Variants in SNX31 observed in about 807,000 individuals in gnomAD.
SNX31 encodes sorting nexin-31.
SNX31 carries 58 observed loss-of-function variants against 65.4 expected under a neutral mutation model. That is an observed-to-expected ratio of 0.89 (90% CI 0.72 to 1.10). The LOEUF (loss-of-function observed/expected upper bound fraction) is 1.10. SNX31 is among the 50% of genes least tolerant of loss of function. The probability of loss-of-function intolerance (pLI) is 0.00; values close to 1 mark genes in which losing one functional copy is unlikely to be tolerated. For missense variants in SNX31, 523 were observed against 529.7 expected (o/e 0.99, Z 0.12); for synonymous variants, 181 against 190.1 (o/e 0.95, Z 0.39).
intron 10 of SNX31, among the ~76,000 whole-genome samples, chr8:100,595,193 A>AT (rs1181597902): frequency 2.6e-5 from 4 of 152,040 alleles, no homozygotes; most frequent in East Asian, 1.9e-4. Context: ...CATACAATAT[A>AT]TTTTTTCTGA....
chr8:100,611,232 T>C (rs945087422), intron 7 of SNX31, among the ~76,000 whole-genome samples: 5 of 152,028 alleles, frequency 3.3e-5, no homozygotes, highest in Non-Finnish European at 5.9e-5. Flanking sequence ...ACCACACTTC[T>C]ACGGATAAAT....
chr8:100,645,222 C>T (rs1819540766), intron 2 of SNX31, among the ~76,000 whole-genome samples: 1 of 152,212 alleles, frequency 6.6e-6, no homozygotes, highest in South Asian at 2.1e-4. Context: ...ACTATTCTAT[C>T]AGGATGCAGA....
At chr8:100,641,593 TATACACATAC>T (rs1477365043) in intron 2 of SNX31, among the ~76,000 whole-genome samples, 11 of 22,132 alleles carry the variant, frequency 5.0e-4, no homozygotes, top group African/African-American at 3.6e-3. Context: ...TATATATATA[TATACACATAC>T]ACACACACAC....
upstream of SNX31, among the ~76,000 whole-genome samples, chr8:100,649,920 T>C (rs1010316662): frequency 6.6e-6 from 1 of 152,270 alleles, no homozygotes; most frequent in African/African-American, 2.4e-5. Context: ...ATCTAGTAAC[T>C]GCCTTATGAT....
At chr8:100,634,185 C>T (rs1404701661) in intron 3 of SNX31, among the ~76,000 whole-genome samples, 1 of 152,172 alleles carries the variant, frequency 6.6e-6, no homozygotes, top group Non-Finnish European at 1.5e-5. Context: ...TTGCTGTACA[C>T]AGCATTTCTA....
chr8:100,632,768 ACT>A (rs1818495845), intron 3 of SNX31, among the ~76,000 whole-genome samples: 1 of 146,724 alleles, frequency 6.8e-6, no homozygotes, highest in African/African-American at 2.7e-5. Flanking sequence ...CAAGACACTG[ACT>A]CTAAAAAAAA....
chr8:100,645,048 C>T (rs1819532016), intron 2 of SNX31, among the ~76,000 whole-genome samples: 1 of 152,246 alleles, frequency 6.6e-6, no homozygotes, highest in Non-Finnish European at 1.5e-5. Flanking sequence ...CCAGGTACTG[C>T]CCCTCAATCT....
Position 100,635,948 on chromosome 8 carries a change from T to G in SNX31, c.205A>C (p.Thr69Pro), listed in dbSNP as rs976206436. 15 of 1,614,170 alleles carry G rather than the reference T, an allele frequency of 9.3e-6. No homozygotes were observed. The highest frequency in any genetic ancestry group is 8.9e-5 in the East Asian group (4 of 44,884). ...FPPKYYLAMT[T>P]AMADERRDQL... ...TCCCTCCTCTCATCAGCCATAGCTG[T>G]GGTCATTGCCAGATAGTACTTTGGT... Residue 69 changes from threonine (T) to proline (P), a missense_variant, in exon 3 of 14, where the codon ACA becomes CCA. Physicochemically the swap from Thr to Pro is conservative, Grantham distance 38. Coordinates refer to ENST00000311812, the MANE Select transcript of SNX31 (RefSeq NM_152628.4).
intron 1 of SNX31, among the ~76,000 whole-genome samples, chr8:100,656,452 C>A (rs1345530986): frequency 6.6e-6 from 1 of 151,930 alleles, no homozygotes; most frequent in African/African-American, 2.4e-5. Context: ...CCAGCCTAGT[C>A]CAACATGGTG....
rs1818342173 is a variant in SNX31, at chr8:100,630,496, T to A, written c.257-105A>T. 1 of 896,076 alleles carries A rather than the reference T, an allele frequency of 1.1e-6. No individual in the cohort carries two copies. The highest frequency in any genetic ancestry group is 3.0e-5 in the Admixed American group (1 of 33,892). The allele number at this position is 896,076 out of a possible 1,614,324, so 55.5% of individuals were successfully genotyped here. A position where few individuals can be genotyped will look rare whatever the true frequency, so the allele number is the denominator to read the frequency against. On this transcript the variant is annotated intron_variant, in intron 3 of 13. Coordinates refer to ENST00000311812, the MANE Select transcript of SNX31 (RefSeq NM_152628.4). The surrounding 1 kb of genome is among the most constrained non-coding windows in gnomAD (Gnocchi z 5.3). ...CCCTCCATGCCTTGCCAGTGCTCTG[T>A]CTCCTCCCTGAAGTGATAAATGTTG...
upstream of SNX31, among the ~76,000 whole-genome samples, chr8:100,650,772 G>A (rs1233359688): frequency 6.6e-6 from 1 of 152,054 alleles, no homozygotes; most frequent in Non-Finnish European, 1.5e-5. Flanking sequence ...TAAGAGAATG[G>A]CAACAGGAAT....
intron 10 of SNX31, among the ~76,000 whole-genome samples, chr8:100,595,184 A>G (rs1013448806): frequency 1.1e-4 from 16 of 152,362 alleles, no homozygotes; most frequent in Middle Eastern, 3.4e-3. Flanking sequence ...GGCTAAGATC[A>G]TACAATATAT....
Position 100,614,596 on chromosome 8 carries a change from C to T in SNX31, c.433-1511G>A, listed in dbSNP as rs1172248130. On this transcript the variant is annotated intron_variant, in intron 5 of 13. Transcript: ENST00000311812. The surrounding 1 kb of genome is among the most constrained non-coding windows in gnomAD (Gnocchi z 5.1). ...TGGCCCTTAAAGAGGCCATTGAGGC[C>T]CGGCACGGTGGCTCATGCCTGTAAT... Among the ~76,000 whole-genome samples, 1 of 152,094 alleles carries T rather than the reference C, an allele frequency of 6.6e-6. No homozygotes were observed. The highest frequency in any genetic ancestry group is 1.5e-5 in the Non-Finnish European group (1 of 68,022).
At chr8:100,593,026 C>CT (rs1380135859) in intron 10 of SNX31, among the ~76,000 whole-genome samples, 1 of 152,052 alleles carries the variant, frequency 6.6e-6, no homozygotes, top group Non-Finnish European at 1.5e-5. Flanking sequence ...TTTTTTAGGG[C>CT]TGGGGGGATA....
chr8:100,647,579 A>G (rs1292173398), intron 2 of SNX31, among the ~76,000 whole-genome samples: 1 of 152,246 alleles, frequency 6.6e-6, no homozygotes, highest in Non-Finnish European at 1.5e-5. Context: ...ATTATGTACC[A>G]GGCTCTGCAA....
intron 2 of SNX31, among the ~76,000 whole-genome samples, chr8:100,637,913 C>T (rs762796058): frequency 6.6e-6 from 1 of 152,188 alleles, no homozygotes; most frequent in Non-Finnish European, 1.5e-5. Context: ...CCAGGCTGGT[C>T]TCAAACTCCT....
At chr8:100,585,960 G>A (rs764812325) in intron 11 of SNX31, among the ~76,000 whole-genome samples, 7 of 152,010 alleles carry the variant, frequency 4.6e-5, no homozygotes, top group Non-Finnish European at 5.9e-5. Context: ...TTGCTCTGTC[G>A]CCCAGGCTGG....
Position 100,614,528 on chromosome 8 carries a change from G to A in SNX31, c.433-1443C>T, listed in dbSNP as rs910817411. The stretch of plus-strand genomic sequence containing the variant: ...GTTAATGATGATTCAAAACACGAAC[G>A]CCATCACTAGCACCACAGTAGTCCT... On this transcript the variant is annotated intron_variant, in intron 5 of 13. Coordinates refer to ENST00000311812, the MANE Select transcript of SNX31 (RefSeq NM_152628.4). The surrounding 1 kb of genome is among the most constrained non-coding windows in gnomAD (Gnocchi z 5.1). 3.9e-5 allele frequency among the ~76,000 whole-genome samples: 6 copies of A among 152,186 alleles called. No individual in the cohort carries two copies. The highest frequency in any genetic ancestry group is 3.9e-4 in the East Asian group (2 of 5,184).
chr8:100,599,841 C>A (rs1292815694), intron 9 of SNX31, among the ~76,000 whole-genome samples: 1 of 152,080 alleles, frequency 6.6e-6, no homozygotes, highest in Non-Finnish European at 1.5e-5. Context: ...GAAATATATC[C>A]TAAGGAATAA....
Sources: allele counts gnomAD v4.1 joint callset (sites outside exome capture counted in the v4.1 genomes callset), GRCh38; gene constraint gnomAD v4.1.1; non-coding constraint Gnocchi (gnomAD v3.1); transcripts MANE v1.5; gene names NCBI Gene and HGNC (gene_info 2026-07-23, HGNC 2026-07-21).